COMMD8: variants seen among roughly 807,000 people sequenced by gnomAD.
COMMD8 encodes COMM domain-containing protein 8.
In COMMD8, 28 loss-of-function variants were observed where a neutral mutation model predicts 27.2. The observed-to-expected ratio is 1.03, with a 90% CI of 0.76 to 1.41. The LOEUF is 1.41. Among genes scored for constraint, COMMD8 ranks in the 40% most tolerant of loss-of-function variants. The pLI is 0.00. For synonymous variants in COMMD8, 79 were observed against 75.5 expected, an observed-to-expected ratio of 1.05 and a Z score of -0.24; for missense variants, 217 against 211.2, an observed-to-expected ratio of 1.03 and a Z score of -0.17.
intron 3 of COMMD8, among the ~76,000 whole-genome samples, chr4:47,453,831 C>T (rs555185322): frequency 2.6e-4 from 40 of 152,248 alleles, no homozygotes; most frequent in Non-Finnish European, 2.1e-4. Flanking sequence ...CCTTGGCAGA[C>T]AGCATAGGGA....
rs186565093 is a variant in COMMD8 at position 47,455,542 on chromosome 4, A to T, written c.375+1035T>A. Among the ~76,000 whole-genome samples the T allele has an allele frequency of 2.4e-4, 37 of 152,296 alleles. 1 individual carries two copies. The highest frequency in any genetic ancestry group is 1.9e-3 in the East Asian group (10 of 5,182). ...ATCACCTTCAGATCTGATAAGCATA[A>T]TATTCATAAAAATGTTGAAAATGAC... On this transcript the variant is annotated intron_variant, in intron 3 of 4. Coordinates refer to ENST00000381571, the MANE Select transcript of COMMD8 (RefSeq NM_017845.5).
chr4:47,455,691 T>C (rs1477734598), intron 3 of COMMD8, among the ~76,000 whole-genome samples: 2 of 152,136 alleles, frequency 1.3e-5, no homozygotes, highest in African/African-American at 4.8e-5. Context: ...TTAATCCACA[T>C]ACACAATGTA....
Position 47,451,482 on chromosome 4 carries a change from T to A in COMMD8, c.*163A>T. 1.7e-6 allele frequency: 1 copy of A among 590,848 alleles called. No individual in the cohort carries two copies. Among genetic ancestry groups the A allele is most frequent in the East Asian group, 3.4e-5 (1 of 29,232 alleles). The allele number at this position is 590,848 out of a possible 1,614,324, so 36.6% of individuals were successfully genotyped here. ...TCCTCTCAACCATGTAATTTCCTGT[T>A]AAGGAATGTTGATAAATTTTTATCT... On this transcript the variant is annotated 3_prime_UTR_variant, in exon 5 of 5. Transcript: ENST00000381571.
chr4:47,454,482 T>C (rs1296029808), intron 3 of COMMD8, among the ~76,000 whole-genome samples: 2 of 152,168 alleles, frequency 1.3e-5, no homozygotes, highest in Non-Finnish European at 2.9e-5. Flanking sequence ...TAAATATCTC[T>C]TAAGTTTGGC....
intron 3 of COMMD8, among the ~76,000 whole-genome samples, chr4:47,456,262 T>TTTTATATA (rs1170290932): frequency 1.2e-5 from 1 of 80,850 alleles, no homozygotes; most frequent in African/African-American, 4.1e-5. Flanking sequence ...AATAAATAAA[T>TTTTATATA]TATACATATA....
chr4:47,456,636 A>T lies in COMMD8; in HGVS notation c.316T>A (p.Ser106Thr). The T allele has an allele frequency of 1.9e-6, 3 of 1,610,322 alleles. No homozygotes were observed. Among genetic ancestry groups the T allele is most frequent in the Non-Finnish European group, 2.5e-6 (3 of 1,178,634 alleles). Reference sequence around the variant, plus strand: ...GAGGAAATAGCAACTATTTCTCTTGACAGAGCCTGTTTGATTTCATCTTTC... The same window carrying T: ...GAGGAAATAGCAACTATTTCTCTTGTCAGAGCCTGTTTGATTTCATCTTTC... ...SRKDEIKQALSREIVAISSAQ... is the reference protein window; with the variant it reads ...SRKDEIKQALTREIVAISSAQ... The change falls in exon 3 of 5, where the codon TCA becomes ACA. Residue 106 changes from serine to threonine, a missense_variant. Transcript: ENST00000381571.
rs1393889452 is a variant in COMMD8 at position 47,460,314 on chromosome 4, G to A, written c.67-15C>T. 4 of 1,601,722 alleles carry A rather than the reference G, an allele frequency of 2.5e-6. No individual in the cohort carries two copies. Among genetic ancestry groups the A allele is most frequent in the Admixed American group, 3.4e-5 (2 of 58,442 alleles). ...TTGTGAAGAAGCTAGCAAGAAAAAA[G>A]GAAATAAATGTACTTATAAGTAAAA... On this transcript the variant is annotated splice_polypyrimidine_tract_variant and intron_variant, in intron 1 of 4. Coordinates refer to ENST00000381571, the MANE Select transcript of COMMD8 (RefSeq NM_017845.5).
chr4:47,457,590 G>A (rs573729127), intron 2 of COMMD8, among the ~76,000 whole-genome samples: 2 of 152,112 alleles, frequency 1.3e-5, no homozygotes, highest in East Asian at 3.9e-4. Flanking sequence ...TGAGCCATTT[G>A]GCAAACCACG....
chr4:47,451,459 C>A lies in COMMD8; in HGVS notation c.*186G>T. On this transcript the variant is annotated 3_prime_UTR_variant, in exon 5 of 5. Coordinates refer to ENST00000381571, the MANE Select transcript of COMMD8 (RefSeq NM_017845.5). Reference sequence around the variant, plus strand: ...TTTCATCTTTCATTTTATGCATTTCCTCTCAACCATGTAATTTCCTGTTAA... The same window carrying A: ...TTTCATCTTTCATTTTATGCATTTCATCTCAACCATGTAATTTCCTGTTAA... 1 of 534,748 alleles carries A rather than the reference C, an allele frequency of 1.9e-6. No individual in the cohort carries two copies. Among genetic ancestry groups the A allele is most frequent in the Non-Finnish European group, 3.3e-6 (1 of 306,124 alleles). The allele number at this position is 534,748 out of a possible 1,614,324, so 33.1% of individuals were successfully genotyped here.
At chr4:47,462,913 C>A (rs765550233) in intron 1 of COMMD8, among the ~76,000 whole-genome samples, 36 of 152,100 alleles carry the variant, frequency 2.4e-4, no homozygotes, top group Admixed American at 3.9e-4. Flanking sequence ...AAACAGGAAG[C>A]CAAAATTGAG....
chr4:47,463,640 T>C lies in COMMD8; in HGVS notation c.12A>G (p.Glu4=), dbSNP rs1400640958. The C allele has an allele frequency of 6.5e-7, 1 of 1,549,184 alleles. No homozygotes were observed. Among genetic ancestry groups the C allele is most frequent in the East Asian group, 2.4e-5 (1 of 40,838 alleles). The stretch of plus-strand genomic sequence containing the variant: ...GCAGCCGCCACAAGGGCGTCCCCTC[T>C]TCCGGCTCCATCCCTGCGCGAAGCT... MEP[E]EGTPLWRLQK... Residue 4 remains glutamate (E), a synonymous_variant, in exon 1 of 5, where the codon GAA becomes GAG. Transcript: ENST00000381571.
chr4:47,456,817 C>A, intron 2 of COMMD8, 88 bp from the exon 3 acceptor site: 8 of 931,756 alleles, frequency 8.6e-6, no homozygotes, highest in Non-Finnish European at 1.2e-5. Context: ...TTTAAAGCAA[C>A]AGTAAAAGAA....
In COMMD8 at chr4:47,453,064, T is replaced by C; in HGVS notation, c.526A>G (p.Asn176Asp). The change falls in exon 4 of 5, where the codon AAT becomes GAT. Residue 176 changes from asparagine to aspartate, a missense_variant. Physicochemically the swap from Asn to Asp is conservative, Grantham distance 23. Transcript: ENST00000381571. ...GACAAAATTATAGCAAATACCTTAT[T>C]CGCTGCTTCCAAGGACTGTATTAGA... ...QNLIQSLEAA[N>D]KVVLQLK 6.3e-7 allele frequency: 1 copy of C among 1,599,972 alleles called. No individual in the cohort carries two copies. The highest frequency in any genetic ancestry group is 8.5e-7 in the Non-Finnish European group (1 of 1,174,738).
chr4:47,461,695 A>G (rs866505957), intron 1 of COMMD8, among the ~76,000 whole-genome samples: 4 of 152,224 alleles, frequency 2.6e-5, no homozygotes, highest in African/African-American at 7.2e-5. Context: ...AATGGCAAAG[A>G]AACTATAATA....
At chr4:47,458,527 G>A (rs774573827) in intron 2 of COMMD8, among the ~76,000 whole-genome samples, 45 of 152,042 alleles carry the variant, frequency 3.0e-4, no homozygotes, top group Admixed American at 9.8e-4. Flanking sequence ...ATACGAGAGA[G>A]ACAAACTAAA....
At chr4:47,462,335 C>T (rs1156862910) in intron 1 of COMMD8, among the ~76,000 whole-genome samples, 5 of 151,772 alleles carry the variant, frequency 3.3e-5, no homozygotes, top group Non-Finnish European at 4.4e-5. Flanking sequence ...AAGGGGGGGC[C>T]ATGGATGAAA....
chr4:47,463,616 C>G lies in COMMD8; in HGVS notation c.36G>C (p.Leu12=), dbSNP rs747936797. The G allele has an allele frequency of 6.5e-7, 1 of 1,547,888 alleles. No individual in the cohort carries two copies. The highest frequency in any genetic ancestry group is 1.4e-5 in the African/African-American group (1 of 73,050). ...EPEEGTPLWR[L]QKLPAELGPQ... is the part of the protein sequence containing the mutation. ...GGCCCAGCTCGGCCGGCAGCTTCTG[C>G]AGCCGCCACAAGGGCGTCCCCTCTT... is the stretch of plus-strand genomic sequence containing the variant. Residue 12 remains leucine (L), a synonymous_variant, in exon 1 of 5, where the codon CTG becomes CTC. Transcript: ENST00000381571.
intron 2 of COMMD8, among the ~76,000 whole-genome samples, chr4:47,458,689 GAAAATATAATAGCC>G (rs1729950405): frequency 6.6e-6 from 1 of 152,022 alleles, no homozygotes; most frequent in African/African-American, 2.4e-5. Context: ...AGGGTTATCC[GAAAATATAATAGCC>G]AAGGCACTCC....
At chr4:47,453,281 GGTTA>G (rs750692448) in intron 3 of COMMD8, 67 bp from the exon 4 acceptor site, 7 of 1,321,684 alleles carry the variant, frequency 5.3e-6, no homozygotes, top group Admixed American at 2.1e-5. Flanking sequence ...ATACATCAGA[GGTTA>G]GTTAGCAGTA....
Sources: allele counts gnomAD v4.1 joint callset (sites outside exome capture counted in the v4.1 genomes callset), GRCh38; gene constraint gnomAD v4.1.1; transcripts MANE v1.5; gene names NCBI Gene and HGNC (gene_info 2026-07-23, HGNC 2026-07-21).